The following DEFB123 variants were observed in gnomAD, a reference collection of about 807,000 sequenced individuals.
DEFB123 encodes the protein defensin beta 123.
For missense variants in DEFB123, 71 were observed against 75.0 expected, an observed-to-expected ratio of 0.95 and a Z score of 0.20; for synonymous variants, 22 against 28.3, an observed-to-expected ratio of 0.78 and a Z score of 0.71.
chr20:31,449,576 T>C (rs1435290474), intron 1 of DEFB123, among the ~76,000 whole-genome samples: 1 of 151,818 alleles, frequency 6.6e-6, no homozygotes, highest in Non-Finnish European at 1.5e-5. Context: ...CTTTGGTAGT[T>C]TCCTCTTGCA....
chr20:31,449,678 A>G (rs1173087412), intron 1 of DEFB123, among the ~76,000 whole-genome samples: 1 of 145,856 alleles, frequency 6.9e-6, no homozygotes, highest in Non-Finnish European at 1.5e-5. Context: ...CTCAGGTGGG[A>G]GAGTCCCTTG....
chr20:31,448,039 G>T (rs2122418462), intron 1 of DEFB123, among the ~76,000 whole-genome samples: 1 of 152,002 alleles, frequency 6.6e-6, no homozygotes, highest in East Asian at 1.9e-4. Flanking sequence ...GCCCACCTTG[G>T]CCTCCCAAAG....
At chr20:31,440,843 G>C in intron 1 of DEFB123, 87 bp downstream of exon 1, 1 of 1,534,740 alleles carries the variant, frequency 6.5e-7, no homozygotes, top group Non-Finnish European at 8.9e-7. Context: ...ATGGGCTGCA[G>C]GTTGTCATCT....
chr20:31,442,765 C>T (rs1004107870), intron 1 of DEFB123, among the ~76,000 whole-genome samples: 1 of 151,882 alleles, frequency 6.6e-6, no homozygotes, highest in Non-Finnish European at 1.5e-5. Context: ...CCTGCAACCA[C>T]GCCTGGCAAA....
chr20:31,449,900 A>G (rs1254281999), intron 1 of DEFB123, 129 bp from the exon 2 acceptor site: 1 of 1,198,532 alleles, frequency 8.3e-7, no homozygotes, highest in African/African-American at 1.6e-5. Context: ...GTGATAGATG[A>G]AAAGAGTCAA....
intron 1 of DEFB123, among the ~76,000 whole-genome samples, chr20:31,446,828 G>T (rs1979596290): frequency 6.6e-6 from 1 of 151,768 alleles, no homozygotes. Flanking sequence ...GCAGTACAAT[G>T]CTGTTATTTT....
At chr20:31,445,493 G>A (rs1979564735) in intron 1 of DEFB123, among the ~76,000 whole-genome samples, 1 of 151,980 alleles carries the variant, frequency 6.6e-6, no homozygotes, top group Non-Finnish European at 1.5e-5. Flanking sequence ...TATGAATCTG[G>A]AAGATAATGA....
chr20:31,449,129 T>C (rs927476668), intron 1 of DEFB123, among the ~76,000 whole-genome samples: 3 of 152,120 alleles, frequency 2.0e-5, no homozygotes, highest in African/African-American at 7.2e-5. Flanking sequence ...TTATCATCCT[T>C]GTCTGCTAGT....
chr20:31,450,057 T>TG lies in DEFB123; in HGVS notation c.89dup (p.Lys31GlnfsTer19). On this transcript the variant is annotated frameshift_variant, in exon 2 of 2. Coordinates refer to ENST00000376309, the MANE Select transcript of DEFB123 (RefSeq NM_153324.4). LOFTEE classifies it low-confidence loss of function (END_TRUNC). ...GCACCCAAAGATGCTGGAATCTTTATGGCAAATGCCGTTACAGATGCTCCA... is the reference window on the plus strand; with the variant it reads ...GCACCCAAAGATGCTGGAATCTTTATGGGCAAATGCCGTTACAGATGCTCCA... 1 of 1,611,718 alleles carries TG rather than the reference T, an allele frequency of 6.2e-7. No homozygotes were observed. Among genetic ancestry groups the TG allele is most frequent in the African/African-American group, 1.3e-5 (1 of 74,824 alleles).
chr20:31,440,872 C>A, intron 1 of DEFB123, 116 bp downstream of exon 1: 1 of 1,217,750 alleles, frequency 8.2e-7, no homozygotes, highest in Non-Finnish European at 1.2e-6. Context: ...GTATAGGAGG[C>A]AGGAGGCGCC....
chr20:31,449,813 G>C (rs1241002950), intron 1 of DEFB123, among the ~76,000 whole-genome samples: 1 of 149,206 alleles, frequency 6.7e-6, no homozygotes. Flanking sequence ...ACACATAAAG[G>C]CTTTATTCAG....
intron 1 of DEFB123, 25 bp from the exon 2 acceptor site, chr20:31,450,004 C>G: frequency 6.3e-7 from 1 of 1,598,212 alleles, no homozygotes; most frequent in Non-Finnish European, 8.5e-7. Flanking sequence ...CTGATACTGT[C>G]TCCCTTCTTT....
chr20:31,441,389 AG>A (rs1411039096), intron 1 of DEFB123, among the ~76,000 whole-genome samples: 1 of 151,872 alleles, frequency 6.6e-6, no homozygotes, highest in African/African-American at 2.4e-5. Context: ...AAGGAAGGAG[AG>A]GGGAAAGCAG....
chr20:31,450,202 T>A lies in DEFB123; in HGVS notation c.*28T>A. On this transcript the variant is annotated 3_prime_UTR_variant, in exon 2 of 2. Transcript: ENST00000376309. ...GCTTTGAAGCCTGAAGCCATGAAAA[T>A]GCAGATGAAGCTCCCAGTGGATTCC... is the stretch of plus-strand genomic sequence containing the variant. 1.9e-6 allele frequency: 3 copies of A among 1,585,366 alleles called. No homozygotes were observed. Among genetic ancestry groups the A allele is most frequent in the Non-Finnish European group, 2.6e-6 (3 of 1,168,910 alleles).
chr20:31,448,333 T>A (rs1389137251), intron 1 of DEFB123, among the ~76,000 whole-genome samples: 1 of 152,180 alleles, frequency 6.6e-6, no homozygotes, highest in East Asian at 1.9e-4. Flanking sequence ...CTTTGCATGC[T>A]TCTCTTTTGG....
chr20:31,449,184 C>A (rs1022674458), intron 1 of DEFB123, among the ~76,000 whole-genome samples: 1 of 151,234 alleles, frequency 6.6e-6, no homozygotes, highest in Non-Finnish European at 1.5e-5. Context: ...TGTTTTTCTC[C>A]TGGTTATGGG....
At chr20:31,448,878 A>ATTTTTTTTTT (rs34804733) in intron 1 of DEFB123, among the ~76,000 whole-genome samples, 75 of 119,954 alleles carry the variant, frequency 6.3e-4, no homozygotes, top group African/African-American at 1.3e-3. Flanking sequence ...CGCCCAGCTA[A>ATTTTTTTTTT]TTTTTTTTTT....
At chr20:31,441,684 CT>C (rs1979468059) in intron 1 of DEFB123, among the ~76,000 whole-genome samples, 1 of 152,104 alleles carries the variant, frequency 6.6e-6, no homozygotes, top group South Asian at 2.1e-4. Context: ...TCCACCCACC[CT>C]AAGGCTGTCG....
intron 1 of DEFB123, among the ~76,000 whole-genome samples, chr20:31,447,778 G>T (rs1234243962): frequency 8.7e-6 from 1 of 115,378 alleles, no homozygotes; most frequent in African/African-American, 3.4e-5. Context: ...CAACACACCC[G>T]GCTTTTTTTT....
Sources: allele counts gnomAD v4.1 joint callset (sites outside exome capture counted in the v4.1 genomes callset), GRCh38; gene constraint gnomAD v4.1.1; transcripts MANE v1.5; gene names NCBI Gene and HGNC (gene_info 2026-07-23, HGNC 2026-07-21).